Variants in TENM2 observed in about 807,000 individuals in gnomAD.
TENM2 encodes teneurin transmembrane protein 2.
Under a neutral mutation model 245.2 loss-of-function variants are expected in TENM2, and 52 were observed. That is an observed-to-expected ratio of 0.21 (90% CI 0.17 to 0.27). TENM2 has a LOEUF of 0.27. Ranked by LOEUF, TENM2 falls within the 10% of genes least tolerant of loss-of-function variation. TENM2 has a pLI of 1.00. For synonymous variants in TENM2, 1,363 were observed against 1,438.9 expected (o/e 0.95, Z 1.19); for missense variants, 3,046 against 3,666.8 (o/e 0.83, Z 4.37).
intron 2 of TENM2, among the ~76,000 whole-genome samples, chr5:167,857,992 A>G (rs1413695254): frequency 1.3e-5 from 2 of 152,238 alleles, no homozygotes; most frequent in African/African-American, 2.4e-5. Flanking sequence ...CAGGGATATT[A>G]TCTAAGGTTC....
chr5:167,527,207 C>A (rs973647939), intron 2 of TENM2, among the ~76,000 whole-genome samples: 11 of 151,916 alleles, frequency 7.2e-5, no homozygotes, highest in African/African-American at 2.7e-4. Context: ...CTTTTTGATG[C>A]AAAAAGGACA....
intron 2 of TENM2, among the ~76,000 whole-genome samples, chr5:167,778,262 A>G (rs1763945622): frequency 6.6e-6 from 1 of 152,196 alleles, no homozygotes; most frequent in Admixed American, 6.5e-5. Flanking sequence ...GCTGAAACCA[A>G]CAAGAGCCAT....
At chr5:167,696,917 C>T (rs570447467) in intron 2 of TENM2, among the ~76,000 whole-genome samples, 2 of 152,286 alleles carry the variant, frequency 1.3e-5, no homozygotes, top group South Asian at 4.1e-4. Flanking sequence ...TGCTTAAAAA[C>T]CTCAAGAAGC....
the TENM2 span, among the ~76,000 whole-genome samples, chr5:167,062,972 T>G: frequency 1.3e-5 from 2 of 152,200 alleles, no homozygotes; most frequent in Non-Finnish European, 2.9e-5. Context: ...AACCTTCTTC[T>G]TTTGAAGAAG....
chr5:167,259,395 G>A, the TENM2 span, among the ~76,000 whole-genome samples: 1 of 152,124 alleles, frequency 6.6e-6, no homozygotes, highest in African/African-American at 2.4e-5. Flanking sequence ...TATTTCATGT[G>A]TAATTTCCTA....
chr5:167,612,882 G>A (rs1250556649), intron 2 of TENM2, among the ~76,000 whole-genome samples: 1 of 152,024 alleles, frequency 6.6e-6, no homozygotes, highest in Non-Finnish European at 1.5e-5. Flanking sequence ...TTCAGAAATG[G>A]ATGTGTCCAC....
rs542030568 is a variant in TENM2, at chr5:168,134,359, G to A, written c.2422+7393G>A. Among the ~76,000 whole-genome samples the A allele has an allele frequency of 3.3e-5, 5 of 152,206 alleles. No individual in the cohort carries two copies. The East Asian group carries it at 9.7e-4, about 30-fold the overall frequency. ...AGTAAGAGCCAGATACATGTAAGCT[G>A]TTATCATCATCACCATCATTGTCTA... On this transcript the variant is annotated intron_variant, in intron 12 of 28. Transcript: ENST00000518659.
chr5:167,847,780 C>T (rs1252900372), intron 2 of TENM2, among the ~76,000 whole-genome samples: 4 of 152,166 alleles, frequency 2.6e-5, no homozygotes, highest in Non-Finnish European at 5.9e-5. Context: ...GACTTCTATT[C>T]GTGGTTTATT....
intron 2 of TENM2, among the ~76,000 whole-genome samples, chr5:167,631,618 C>T (rs139455961): frequency 3.9e-5 from 6 of 152,250 alleles, no homozygotes; most frequent in East Asian, 3.9e-4. Context: ...AATGAGCTGT[C>T]GCTGAGCATG....
the TENM2 span, among the ~76,000 whole-genome samples, chr5:167,223,947 T>C: frequency 6.6e-6 from 1 of 152,190 alleles, no homozygotes; most frequent in Non-Finnish European, 1.5e-5. Context: ...ATTAGTGATT[T>C]TGAGCATTTT....
At chr5:167,137,574 T>A in the TENM2 span, among the ~76,000 whole-genome samples, 4 of 152,196 alleles carry the variant, frequency 2.6e-5, no homozygotes, top group Non-Finnish European at 4.4e-5. Flanking sequence ...AGAGTTGGGT[T>A]AAGCCATGAG....
chr5:167,258,215 G>GTGTATATATATATATGTA, the TENM2 span, among the ~76,000 whole-genome samples: 4 of 122,890 alleles, frequency 3.3e-5, no homozygotes, highest in African/African-American at 1.2e-4. Flanking sequence ...ATATATATAT[G>GTGTATATATATATATGTA]TATATATATA....
chr5:167,901,421 C>T (rs1446523689), intron 3 of TENM2, among the ~76,000 whole-genome samples: 1 of 152,168 alleles, frequency 6.6e-6, no homozygotes, highest in Non-Finnish European at 1.5e-5. Flanking sequence ...TACCTAAGGA[C>T]ACTTCTATCA....
At chr5:167,640,087 A>G (rs902318979) in intron 2 of TENM2, among the ~76,000 whole-genome samples, 6 of 152,042 alleles carry the variant, frequency 3.9e-5, no homozygotes, top group East Asian at 1.9e-4. Context: ...CTTTTTTTCA[A>G]TCTGTCTGGT....
At chr5:167,646,472 A>G (rs2150270733) in intron 2 of TENM2, among the ~76,000 whole-genome samples, 1 of 152,006 alleles carries the variant, frequency 6.6e-6, no homozygotes, top group South Asian at 2.1e-4. Flanking sequence ...AAAGAGAAAT[A>G]TAAAAATATA....
chr5:167,836,972 T>C (rs1465610468), intron 2 of TENM2, among the ~76,000 whole-genome samples: 2 of 152,094 alleles, frequency 1.3e-5, no homozygotes, highest in African/African-American at 2.4e-5. Context: ...TAAACTACTG[T>C]CATTTTCCTG....
intron 5 of TENM2, among the ~76,000 whole-genome samples, chr5:168,013,415 C>T (rs1377349726): frequency 1.3e-5 from 2 of 152,054 alleles, no homozygotes; most frequent in Non-Finnish European, 2.9e-5. Context: ...ACCAGCCTGG[C>T]CAACATGGTG....
At chr5:167,661,833 C>T (rs372436654) in intron 2 of TENM2, among the ~76,000 whole-genome samples, 71 of 152,266 alleles carry the variant, frequency 4.7e-4, no homozygotes, top group African/African-American at 1.6e-3. Flanking sequence ...TCAAACAGGC[C>T]GTCTACTCAC....
At chr5:167,351,010 G>GAT (rs377045353) in intron 1 of TENM2, among the ~76,000 whole-genome samples, 1 of 27,152 alleles carries the variant, frequency 3.7e-5, no homozygotes, top group African/African-American at 9.9e-5. Flanking sequence ...TATACATATG[G>GAT]ATATATATAT....
Sources: allele counts gnomAD v4.1 joint callset (sites outside exome capture counted in the v4.1 genomes callset), GRCh38; gene constraint gnomAD v4.1.1; transcripts MANE v1.5; gene names NCBI Gene and HGNC (gene_info 2026-07-23, HGNC 2026-07-21).